Variants in CROCC2 observed in about 807,000 individuals in gnomAD.
CROCC2 encodes ciliary rootlet coiled-coil, rootletin family member 2, also known as ciliary rootlet coiled-coil protein 2.
CROCC2 carries 163 observed loss-of-function variants against 177.6 expected under a neutral mutation model. That is an observed-to-expected ratio of 0.92 (90% CI 0.81 to 1.05). The LOEUF (loss-of-function observed/expected upper bound fraction) is 1.05, where lower values mean the gene tolerates loss of function less well. Ranked by LOEUF, CROCC2 falls within the 50% of genes least tolerant of loss-of-function variation. CROCC2 has a pLI of 0.00. For synonymous variants in CROCC2, 904 were observed against 787.3 expected, an observed-to-expected ratio of 1.15 and a Z score of -2.48; for missense variants, 1,929 against 1,797.8, an observed-to-expected ratio of 1.07 and a Z score of -1.32.
intron 14 of CROCC2, among the ~76,000 whole-genome samples, chr2:240,945,190 C>T (rs2059515706): frequency 6.6e-6 from 1 of 152,218 alleles, no homozygotes; most frequent in South Asian, 2.1e-4. Context: ...CCTGCCTTGG[C>T]TTCCCAAAGT....
At position 240,949,149 on chromosome 2, in the gene CROCC2, G is replaced by C; in HGVS notation, c.2482+52G>C. ...CTTCCCCGAAAGTCAGCCATGGAGG[G>C]GCCCCTGGAATGGAGCTCAGTGCCC... On this transcript the variant is annotated intron_variant, in intron 16 of 31. Transcript: ENST00000690015. The surrounding 1 kb of genome is among the most constrained non-coding windows in gnomAD (Gnocchi z 4.5). 6.8e-7 allele frequency: 1 copy of C among 1,478,320 alleles called. No individual in the cohort carries two copies. The highest frequency in any genetic ancestry group is 9.0e-7 in the Non-Finnish European group (1 of 1,116,730). The allele number at this position is 1,478,320 out of a possible 1,614,324, so 91.6% of individuals were successfully genotyped here. A position where few individuals can be genotyped will look rare whatever the true frequency, so the allele number is the denominator to read the frequency against.
At chr2:240,970,391 T>C (rs2059712319) in intron 27 of CROCC2, among the ~76,000 whole-genome samples, 2 of 152,252 alleles carry the variant, frequency 1.3e-5, no homozygotes. Context: ...TTGTCCCATG[T>C]AGAAGTTTTG....
At chr2:240,939,220 A>C (rs541092096) in intron 14 of CROCC2, among the ~76,000 whole-genome samples, 1 of 152,234 alleles carries the variant, frequency 6.6e-6, no homozygotes, top group East Asian at 1.9e-4. Context: ...ATAAATGGGT[A>C]CTGGGTTCTG....
intron 3 of CROCC2, among the ~76,000 whole-genome samples, chr2:240,920,756 G>A (rs763848579): frequency 2.8e-4 from 42 of 152,234 alleles, no homozygotes; most frequent in Non-Finnish European, 5.0e-4. Context: ...GTCACAAAAT[G>A]TGGAGCTGGG....
chr2:240,934,869 C>T, intron 12 of CROCC2, 47 bp from the exon 13 acceptor site: 1 of 1,450,818 alleles, frequency 6.9e-7, no homozygotes, highest in South Asian at 1.4e-5. Context: ...AACAGCCCTG[C>T]CCTGGAAGCT....
chr2:240,963,351 T>C lies in CROCC2; in HGVS notation c.3088-205T>C, dbSNP rs568317148. 2.4e-4 allele frequency: 134 copies of C among 567,222 alleles called. 1 individual carries two copies. The highest frequency in any genetic ancestry group is 2.3e-3 in the African/African-American group (124 of 53,778). The allele number at this position is 567,222 out of a possible 1,614,324, so 35.1% of individuals were successfully genotyped here. ...GGTGGGGTCTTCTGGGCTCTTAGGC[T>C]GGCCCTGCCTCAGCCCGTGGAAGCC... On this transcript the variant is annotated intron_variant, in intron 20 of 31. Transcript: ENST00000690015.
chr2:240,948,042 G>A (rs982862279), intron 15 of CROCC2, among the ~76,000 whole-genome samples: 14 of 152,166 alleles, frequency 9.2e-5, no homozygotes, highest in African/African-American at 3.1e-4. Flanking sequence ...CGGGCCTCTA[G>A]GAGGAGGGGT....
intron 30 of CROCC2, 76 bp from the exon 31 acceptor site, chr2:240,991,120 C>G: frequency 9.2e-7 from 1 of 1,083,448 alleles, no homozygotes. Flanking sequence ...TGTCACAGAG[C>G]CCTCCATGCC....
intron 4 of CROCC2, among the ~76,000 whole-genome samples, chr2:240,925,335 G>A (rs897767331): frequency 3.3e-5 from 5 of 152,110 alleles, no homozygotes; most frequent in Admixed American, 6.5e-5. Flanking sequence ...CCCCCACCAC[G>A]GGCATGTCTG....
At chr2:240,933,630 G>A (rs2059448411) in intron 10 of CROCC2, 40 bp from the exon 11 acceptor site, 3 of 1,538,754 alleles carry the variant, frequency 1.9e-6, no homozygotes, top group African/African-American at 1.4e-5. Context: ...CACCTTGAAT[G>A]TGTCCAGGGC....
chr2:240,932,489 A>G (rs2059439258), intron 8 of CROCC2, 75 bp downstream of exon 8: 1 of 711,914 alleles, frequency 1.4e-6, no homozygotes, highest in African/African-American at 1.7e-5. Context: ...CTGCCACAGG[A>G]AGCCTGGTGC....
At chr2:240,959,592 G>A in intron 20 of CROCC2, 148 bp downstream of exon 20, 1 of 1,071,382 alleles carries the variant, frequency 9.3e-7, no homozygotes. Context: ...ACTAGGAAGA[G>A]GCAAACAGCC....
At chr2:240,937,604 C>T (rs2059478269) in intron 14 of CROCC2, among the ~76,000 whole-genome samples, 1 of 151,986 alleles carries the variant, frequency 6.6e-6, no homozygotes, top group Non-Finnish European at 1.5e-5. Flanking sequence ...TTTTGCCTAC[C>T]CCAAGGACAA....
chr2:240,991,851 C>T (rs1172499117), intron 31 of CROCC2, among the ~76,000 whole-genome samples: 3 of 152,228 alleles, frequency 2.0e-5, no homozygotes, highest in East Asian at 1.9e-4. Flanking sequence ...TTCCACCAAC[C>T]GGAGCCAAAA....
intron 15 of CROCC2, 25 bp from the exon 16 acceptor site, chr2:240,948,954 C>A: frequency 6.5e-7 from 1 of 1,549,222 alleles, no homozygotes; most frequent in Non-Finnish European, 8.7e-7. Context: ...GGATGACTTG[C>A]CCATTGTTTG....
In CROCC2 at chr2:240,958,176, A is replaced by G. The variant is rs1419878287; in HGVS notation, c.2944-1125A>G. ...GCCAAGGAGCACCAGGCGCCAGATG[A>G]CAGGACAGCGTGCGCCCCTAGGCTG... is the stretch of plus-strand genomic sequence containing the variant. On this transcript the variant is annotated intron_variant, in intron 19 of 31. Coordinates refer to ENST00000690015, the MANE Select transcript of CROCC2 (RefSeq NM_001351305.2). The surrounding 1 kb of genome is among the most constrained non-coding windows in gnomAD (Gnocchi z 6.7). The G allele has an allele frequency of 1.3e-5, 13 of 985,236 alleles. No homozygotes were observed. Among genetic ancestry groups the G allele is most frequent in the Non-Finnish European group, 1.6e-5 (13 of 829,910 alleles). 61.0% of individuals were successfully genotyped at this position (985,236 alleles called of 1,614,324 possible). A position where few individuals can be genotyped will look rare whatever the true frequency, so the allele number is the denominator to read the frequency against.
intron 20 of CROCC2, chr2:240,959,748 C>T (rs2059618898): frequency 3.9e-6 from 1 of 257,846 alleles, no homozygotes. Flanking sequence ...ATTTCTAAGC[C>T]TCCTGAAGGG....
At position 240,930,997 on chromosome 2, in the gene CROCC2, C is replaced by T. The variant is rs746778476; in HGVS notation, c.816C>T (p.Asn272=). ...GCCGCCTGCACACCGCCTGCCTGAA[C>T]CTCGACTCCAACCTGCGGCTGTCGG... ...TARRLHTACL[N]LDSNLRLSAS... The change falls in exon 7 of 32, where the codon AAC becomes AAT. Residue 272 remains asparagine, a synonymous_variant. Coordinates refer to ENST00000690015, the MANE Select transcript of CROCC2 (RefSeq NM_001351305.2). 1.4e-6 allele frequency: 1 copy of T among 716,202 alleles called. No homozygotes were observed. The highest frequency in any genetic ancestry group is 2.7e-5 in the East Asian group (1 of 37,292). 44.4% of individuals were successfully genotyped at this position (716,202 alleles called of 1,614,324 possible).
rs1191985003 is a variant in CROCC2 at position 240,973,760 on chromosome 2, C to G, written c.4401+5498C>G. 6.6e-6 allele frequency among the ~76,000 whole-genome samples: 1 copy of G among 152,230 alleles called. No individual in the cohort carries two copies. The highest frequency in any genetic ancestry group is 1.9e-4 in the East Asian group (1 of 5,202). On this transcript the variant is annotated intron_variant, in intron 27 of 31. Transcript: ENST00000690015. The surrounding 1 kb of genome is among the most constrained non-coding windows in gnomAD (Gnocchi z 4.7). ...AGTGTTTTGTCAAGAATTTTTGCAT[C>G]TGTAATTCCTTTATGGTGACATAGT...
Sources: allele counts gnomAD v4.1 joint callset (sites outside exome capture counted in the v4.1 genomes callset), GRCh38; gene constraint gnomAD v4.1.1; non-coding constraint Gnocchi (gnomAD v3.1); transcripts MANE v1.5; gene names NCBI Gene and HGNC (gene_info 2026-07-23, HGNC 2026-07-21).